Variants in PCMTD1 observed in about 807,000 individuals in gnomAD.
PCMTD1 encodes the protein protein-L-isoaspartate (D-aspartate) O-methyltransferase domain containing 1.
In PCMTD1, 12 loss-of-function variants were observed where a neutral mutation model predicts 37.6. The observed-to-expected ratio is 0.32, with a 90% CI of 0.20 to 0.52. The LOEUF is 0.52. Among genes scored for constraint, PCMTD1 ranks in the 20% least tolerant of loss-of-function variants. The pLI is 0.97. For missense variants in PCMTD1, 235 were observed against 421.3 expected (o/e 0.56, Z 3.87); for synonymous variants, 117 against 135.8 (o/e 0.86, Z 0.96).
chr8:51,881,253 TGG>T (rs2038787443), intron 1 of PCMTD1, among the ~76,000 whole-genome samples: 1 of 27,688 alleles, frequency 3.6e-5, no homozygotes, highest in Non-Finnish European at 1.6e-3. Context: ...GTGCCTGTGT[TGG>T]TGGTGCCACT....
intron 1 of PCMTD1, among the ~76,000 whole-genome samples, chr8:51,885,894 T>G (rs948650031): frequency 6.6e-6 from 1 of 152,220 alleles, no homozygotes; most frequent in Admixed American, 6.5e-5. Flanking sequence ...AGATAGCAAT[T>G]TTTTGTAATT....
intron 1 of PCMTD1, among the ~76,000 whole-genome samples, chr8:51,879,291 T>C (rs972693156): frequency 1.3e-5 from 2 of 151,076 alleles, no homozygotes; most frequent in African/African-American, 2.4e-5. Context: ...CAGTTTAAGT[T>C]AGAAAAAAGT....
chr8:51,865,579 T>C (rs1208787947), intron 1 of PCMTD1, among the ~76,000 whole-genome samples: 2 of 152,008 alleles, frequency 1.3e-5, no homozygotes, highest in African/African-American at 4.8e-5. Context: ...AAAAACCCTA[T>C]GATCATTTCA....
intron 3 of PCMTD1, among the ~76,000 whole-genome samples, chr8:51,841,055 A>G (rs1227883825): frequency 6.6e-6 from 1 of 152,222 alleles, no homozygotes; most frequent in Non-Finnish European, 1.5e-5. Flanking sequence ...CTTGCTGGAA[A>G]GAAATATTAG....
At position 51,888,352 on chromosome 8, in the gene PCMTD1, T is replaced by A. The variant is rs112418945; in HGVS notation, c.-96+10578A>T. ...TCAAGAGGGAGCATCCTTTTAAAAA[T>A]AGATTCCCCTTCAGGTAAATGACTT... On this transcript the variant is annotated intron_variant, in intron 1 of 5. Transcript: ENST00000522514. Among the ~76,000 whole-genome samples the A allele has an allele frequency of 3.3e-5, 5 of 152,230 alleles. No homozygotes were observed. In the East Asian group the frequency reaches 9.7e-4, roughly 29 times the overall value.
intron 1 of PCMTD1, among the ~76,000 whole-genome samples, chr8:51,868,623 G>A (rs566274311): frequency 4.6e-4 from 70 of 151,990 alleles, no homozygotes; most frequent in African/African-American, 1.6e-3. Context: ...ATTTCCTAAG[G>A]AATAAAAATA....
intron 1 of PCMTD1, among the ~76,000 whole-genome samples, chr8:51,892,786 C>G (rs1056036559): frequency 2.6e-5 from 4 of 152,048 alleles, no homozygotes; most frequent in African/African-American, 9.7e-5. Context: ...AAAAAAACAG[C>G]AGTGTACCTC....
intron 1 of PCMTD1, among the ~76,000 whole-genome samples, chr8:51,871,790 G>A (rs932293213): frequency 6.6e-6 from 1 of 152,042 alleles, no homozygotes; most frequent in Non-Finnish European, 1.5e-5. Flanking sequence ...TGCTCCCAAC[G>A]GCTACAGCAA....
chr8:51,818,592 C>A lies in PCMTD1; in HGVS notation c.*1759G>T, dbSNP rs1219040722. ...AGTATGAAACTGATTTTTTTCTTTC[C>A]TAGATACAAAAATGATATGGGGCAT... is the stretch of plus-strand genomic sequence containing the variant. On this transcript the variant is annotated 3_prime_UTR_variant, in exon 6 of 6. Coordinates refer to ENST00000522514, the MANE Select transcript of PCMTD1 (RefSeq NM_052937.4). 2 of 152,312 alleles carry A rather than the reference C, an allele frequency of 1.3e-5. No homozygotes were observed. Among genetic ancestry groups the A allele is most frequent in the African/African-American group, 2.4e-5 (1 of 41,482 alleles). 9.4% of individuals were successfully genotyped at this position (152,312 alleles called of 1,614,324 possible).
At chr8:51,863,759 T>C (rs2038509325) in intron 1 of PCMTD1, among the ~76,000 whole-genome samples, 1 of 151,866 alleles carries the variant, frequency 6.6e-6, no homozygotes, top group East Asian at 1.9e-4. Flanking sequence ...CTGTCTCTAC[T>C]AAAAATACAA....
chr8:51,829,795 T>A (rs1001306785), intron 5 of PCMTD1, among the ~76,000 whole-genome samples: 10 of 151,542 alleles, frequency 6.6e-5, no homozygotes, highest in African/African-American at 2.4e-4. Flanking sequence ...CAAATATTAC[T>A]CCATATAGTT....
At chr8:51,851,423 A>C (rs1169115411) in intron 2 of PCMTD1, among the ~76,000 whole-genome samples, 2 of 152,212 alleles carry the variant, frequency 1.3e-5, no homozygotes, top group Admixed American at 6.5e-5. Context: ...AAAATGTCGA[A>C]ATATCAACAA....
intron 2 of PCMTD1, among the ~76,000 whole-genome samples, chr8:51,859,374 A>C (rs2038438902): frequency 1.3e-5 from 2 of 152,216 alleles, no homozygotes; most frequent in African/African-American, 4.8e-5. Context: ...CAACCTGTTA[A>C]GAAATTCCTG....
At chr8:51,821,328 G>T (rs947896088) in intron 5 of PCMTD1, among the ~76,000 whole-genome samples, 6 of 152,058 alleles carry the variant, frequency 3.9e-5, no homozygotes, top group African/African-American at 1.4e-4. Flanking sequence ...TTGTTGAAAC[G>T]GGATCTCACT....
chr8:51,852,965 T>A (rs1265030133), intron 2 of PCMTD1, among the ~76,000 whole-genome samples: 1 of 152,166 alleles, frequency 6.6e-6, no homozygotes, highest in Non-Finnish European at 1.5e-5. Context: ...AGGCACCACA[T>A]GTTTAAGAAC....
At chr8:51,869,074 A>C (rs1410309271) in intron 1 of PCMTD1, among the ~76,000 whole-genome samples, 1 of 103,056 alleles carries the variant, frequency 9.7e-6, no homozygotes, top group Non-Finnish European at 2.7e-5. Context: ...AATTCCCCCA[A>C]TGTTAGACTA....
intron 1 of PCMTD1, among the ~76,000 whole-genome samples, chr8:51,875,980 A>ACG (rs1563358181): frequency 6.6e-6 from 1 of 151,808 alleles, no homozygotes; most frequent in Non-Finnish European, 1.5e-5. Context: ...GTGTGTGTGC[A>ACG]TGTGCGTGCA....
chr8:51,899,074 G>C (rs1332180359), upstream of PCMTD1: 1 of 1,498,794 alleles, frequency 6.7e-7, no homozygotes, highest in African/African-American at 1.4e-5. Flanking sequence ...GGAGCAGCCA[G>C]AGCCTCCCGG....
rs1392500588 is a variant in PCMTD1, at chr8:51,845,753, T to C, written c.318A>G (p.Gly106=). 6.2e-7 allele frequency: 1 copy of C among 1,612,082 alleles called. No homozygotes were observed. The highest frequency in any genetic ancestry group is 8.5e-7 in the Non-Finnish European group (1 of 1,178,976). The change falls in exon 3 of 6, where the codon GGA becomes GGG. Residue 106 remains glycine, a synonymous_variant. Transcript: ENST00000522514. ...AATGAAGCTCAATCCCATGATTTAT[T>C]CCAAAAGGACCTGCAATCGTAGCAG... is the stretch of plus-strand genomic sequence containing the variant. The part of the protein sequence containing the change: ...TMVGLILGPF[G]INHGIELHSD...
Sources: gnomAD v4.1 joint callset for allele counts (sites outside exome capture counted in the v4.1 genomes callset) on GRCh38, gnomAD v4.1.1 for gene constraint, MANE v1.5 for transcripts, NCBI Gene and HGNC (gene_info 2026-07-23, HGNC 2026-07-21) for gene names.